The following MALRD1 variants were observed in gnomAD, a reference collection of about 807,000 sequenced individuals.
MALRD1 encodes the protein MAM and LDL receptor class A domain containing 1.
In MALRD1, 247 loss-of-function variants were observed where a neutral mutation model predicts 242.1. That is an observed-to-expected ratio of 1.02 (90% CI 0.92 to 1.13). The LOEUF is 1.13. MALRD1 is among the 50% of genes most tolerant of loss of function. The pLI, the probability that MALRD1 is intolerant of heterozygous loss-of-function variation, is 0.00. For missense variants in MALRD1, 2,989 were observed against 2,533.1 expected (o/e 1.18, Z -3.86); for synonymous variants, 995 against 866.6 (o/e 1.15, Z -2.60).
rs145968715 is a variant in MALRD1 at position 19,319,572 on chromosome 10, A to G, written c.3420-4377A>G. Among the ~76,000 whole-genome samples, 1,023 of 152,226 alleles carry G rather than the reference A, an allele frequency of 6.7e-3. 13 individuals carry two copies. The highest frequency in any genetic ancestry group is 6.4e-3 in the Non-Finnish European group (436 of 68,016). On this transcript the variant is annotated intron_variant, in intron 21 of 39. Coordinates refer to ENST00000454679, the MANE Select transcript of MALRD1 (RefSeq NM_001142308.3). ...AACAAAAAATCTCATAAACAAAGAGACTTATAAATAAAACACATTTATTTA... is the reference window on the plus strand; with the variant it reads ...AACAAAAAATCTCATAAACAAAGAGGCTTATAAATAAAACACATTTATTTA...
intron 13 of MALRD1, among the ~76,000 whole-genome samples, chr10:19,170,541 A>G (rs1834877784): frequency 6.6e-6 from 1 of 152,162 alleles, no homozygotes; most frequent in African/African-American, 2.4e-5. Context: ...TTGACGATTC[A>G]GTGAAGGGTA....
intron 5 of MALRD1, among the ~76,000 whole-genome samples, chr10:19,115,958 A>T (rs1297777343): frequency 1.3e-5 from 2 of 152,250 alleles, no homozygotes. Flanking sequence ...ACAGTTTCTG[A>T]ACACTTTGCA....
intron 19 of MALRD1, among the ~76,000 whole-genome samples, chr10:19,262,947 A>T (rs888968564): frequency 6.6e-6 from 1 of 152,118 alleles, no homozygotes; most frequent in African/African-American, 2.4e-5. Flanking sequence ...TTCTAATTTC[A>T]TAAAGACAGG....
intron 33 of MALRD1, among the ~76,000 whole-genome samples, chr10:19,571,882 A>G (rs1836562126): frequency 6.6e-6 from 1 of 152,198 alleles, no homozygotes; most frequent in Admixed American, 6.5e-5. Context: ...CCAGATTTGT[A>G]TGTTGAACCT....
chr10:19,248,114 T>A (rs1588775002), intron 18 of MALRD1, among the ~76,000 whole-genome samples: 2 of 152,044 alleles, frequency 1.3e-5, no homozygotes. Flanking sequence ...AGACAGTCGG[T>A]TACAAGAGTA....
chr10:19,486,993 C>T (rs1476480444), intron 29 of MALRD1, among the ~76,000 whole-genome samples: 1 of 152,078 alleles, frequency 6.6e-6, no homozygotes, highest in Non-Finnish European at 1.5e-5. Flanking sequence ...TTTCCACGGC[C>T]TTCATAGGAT....
At chr10:19,493,006 A>G (rs531115662) in intron 30 of MALRD1, among the ~76,000 whole-genome samples, 107 of 152,314 alleles carry the variant, frequency 7.0e-4, no homozygotes, top group African/African-American at 2.5e-3. Context: ...TAAAAAACAC[A>G]TAATAAAAAA....
At chr10:19,234,613 T>A (rs1055963835) in intron 18 of MALRD1, among the ~76,000 whole-genome samples, 3 of 121,362 alleles carry the variant, frequency 2.5e-5, no homozygotes, top group Non-Finnish European at 3.3e-5. Context: ...ATTGACTTAG[T>A]TCAAAGGGAG....
At chr10:19,714,847 C>T (rs1224203266) in intron 38 of MALRD1, among the ~76,000 whole-genome samples, 1 of 152,122 alleles carries the variant, frequency 6.6e-6, no homozygotes, top group African/African-American at 2.4e-5. Context: ...GGGGACACAG[C>T]TTGTGACCTT....
intron 31 of MALRD1, among the ~76,000 whole-genome samples, chr10:19,513,647 G>C (rs1833505296): frequency 6.6e-6 from 1 of 151,948 alleles, no homozygotes; most frequent in Admixed American, 6.6e-5. Context: ...GCTGAGGCAG[G>C]AGAATGGTGT....
At chr10:19,238,271 T>C (rs1179276318) in intron 18 of MALRD1, among the ~76,000 whole-genome samples, 1 of 75,970 alleles carries the variant, frequency 1.3e-5, no homozygotes, top group Non-Finnish European at 2.2e-5. Context: ...ATATTATATA[T>C]AATATGTAAT....
chr10:19,583,782 T>C (rs950604597), intron 33 of MALRD1, among the ~76,000 whole-genome samples: 12 of 151,594 alleles, frequency 7.9e-5, no homozygotes, highest in Non-Finnish European at 1.8e-4. Context: ...TTGATTGGAA[T>C]AGTTTCAGAA....
At chr10:19,265,733 A>G (rs562375293) in intron 19 of MALRD1, among the ~76,000 whole-genome samples, 79 of 152,180 alleles carry the variant, frequency 5.2e-4, no homozygotes, top group African/African-American at 1.7e-3. Context: ...TGTTAGGTCA[A>G]TTTCCTCTAA....
At chr10:19,422,362 G>T (rs1833746751) in intron 28 of MALRD1, among the ~76,000 whole-genome samples, 1 of 152,142 alleles carries the variant, frequency 6.6e-6, no homozygotes. Context: ...ATATCTTTTA[G>T]ATGTTAAAAA....
intron 14 of MALRD1, among the ~76,000 whole-genome samples, chr10:19,179,094 A>G (rs75100381): frequency 7.2e-5 from 11 of 152,204 alleles, no homozygotes; most frequent in Non-Finnish European, 1.3e-4. Flanking sequence ...CGCTCAAAAC[A>G]CAAGAGCAAG....
intron 21 of MALRD1, among the ~76,000 whole-genome samples, chr10:19,307,746 G>A (rs1002948408): frequency 1.3e-5 from 2 of 151,558 alleles, no homozygotes; most frequent in Non-Finnish European, 3.0e-5. Context: ...GAAAAAAATT[G>A]AATTAGAATT....
At chr10:19,140,762 T>C (rs1833512014) in intron 10 of MALRD1, among the ~76,000 whole-genome samples, 1 of 151,606 alleles carries the variant, frequency 6.6e-6, no homozygotes, top group African/African-American at 2.4e-5. Context: ...AAACAGAGAG[T>C]AGAATGGCAG....
At chr10:19,411,895 G>A (rs1372956694) in intron 28 of MALRD1, among the ~76,000 whole-genome samples, 1 of 152,214 alleles carries the variant, frequency 6.6e-6, no homozygotes, top group African/African-American at 2.4e-5. Flanking sequence ...TGTGTAAGCT[G>A]TTAAAAAATT....
At chr10:19,296,687 A>G (rs1007300113) in intron 21 of MALRD1, among the ~76,000 whole-genome samples, 26 of 152,210 alleles carry the variant, frequency 1.7e-4, no homozygotes, top group African/African-American at 5.5e-4. Flanking sequence ...TTGGCTATTC[A>G]TGTATTGATT....
Sources: allele counts gnomAD v4.1 joint callset (sites outside exome capture counted in the v4.1 genomes callset), GRCh38; gene constraint gnomAD v4.1.1; transcripts MANE v1.5; gene names NCBI Gene and HGNC (gene_info 2026-07-23, HGNC 2026-07-21).